The following SERPING1 variants were observed in gnomAD, a reference collection of about 807,000 sequenced individuals.
SERPING1 encodes serpin family G member 1.
A neutral mutation model predicts 34.1 loss-of-function variants in SERPING1; 5 were observed. The ratio of observed to expected loss-of-function variants is 0.15; its 90% CI spans 0.08 to 0.31. The LOEUF (loss-of-function observed/expected upper bound fraction) is 0.31. Among genes scored for constraint, SERPING1 ranks in the 10% least tolerant of loss-of-function variants. The pLI is 1.00. For synonymous variants in SERPING1, 225 were observed against 242.4 expected (o/e 0.93, Z 0.67); for missense variants, 505 against 609.5 (o/e 0.83, Z 1.81).
At chr11:57,607,355 T>C (rs953780480) in intron 6 of SERPING1, among the ~76,000 whole-genome samples, 2 of 152,188 alleles carry the variant, frequency 1.3e-5, no homozygotes, top group African/African-American at 4.8e-5. Context: ...GGAGAAGTCT[T>C]CTCCCCATTA....
chr11:57,612,256 G>A (rs1945485350), intron 7 of SERPING1, among the ~76,000 whole-genome samples: 1 of 152,108 alleles, frequency 6.6e-6, no homozygotes, highest in African/African-American at 2.4e-5. Flanking sequence ...TGGAACAGTG[G>A]GACAGGTAAC....
Position 57,611,846 on chromosome 11 carries a change from G to C in SERPING1, c.1159G>C (p.Glu387Gln), listed in dbSNP as rs1469488853. The C allele has an allele frequency of 6.2e-7, 1 of 1,614,062 alleles. No individual in the cohort carries two copies. The highest frequency in any genetic ancestry group is 8.5e-7 in the Non-Finnish European group (1 of 1,180,046). The part of the protein sequence containing the change: ...SVFKAIMEKL[E>Q]MSKFQPTLLT... ...TTTCAAGGCCATCATGGAGAAACTG[G>C]AGATGTCCAAGTTCCAGCCCACTCT... Residue 387 changes from glutamate to glutamine, a missense_variant, in exon 7 of 8, where the codon GAG becomes CAG. By Grantham distance (29) the Glu-to-Gln change is conservative (BLOSUM62 2). Transcript: ENST00000278407.
At chr11:57,604,122 ACT>A (rs1344993775) in intron 4 of SERPING1, among the ~76,000 whole-genome samples, 14 of 87,666 alleles carry the variant, frequency 1.6e-4, no homozygotes. Flanking sequence ...ACAGACCGAG[ACT>A]CTGTCTCAAA....
At chr11:57,610,535 G>T (rs1945466444) in intron 6 of SERPING1, among the ~76,000 whole-genome samples, 1 of 152,186 alleles carries the variant, frequency 6.6e-6, no homozygotes, top group Admixed American at 6.5e-5. Context: ...ACAATTGATT[G>T]CTTTCAGTTA....
chr11:57,607,536 A>G (rs1945424557), intron 6 of SERPING1, among the ~76,000 whole-genome samples: 1 of 152,162 alleles, frequency 6.6e-6, no homozygotes, highest in Non-Finnish European at 1.5e-5. Context: ...TTCCTTCTGT[A>G]TCTGTAGTGC....
chr11:57,601,555 A>G (rs930819138), intron 3 of SERPING1, among the ~76,000 whole-genome samples: 7 of 152,048 alleles, frequency 4.6e-5, no homozygotes, highest in Non-Finnish European at 1.0e-4. Context: ...GGACAGAGCT[A>G]TTACTCCCCA....
At chr11:57,611,545 T>A in intron 6 of SERPING1, 172 bp from the exon 7 acceptor site, 1 of 698,632 alleles carries the variant, frequency 1.4e-6, no homozygotes, top group African/African-American at 1.7e-5. Context: ...ATCAGCACTG[T>A]TCACCCAGCT....
At chr11:57,612,745 TTTTG>T (rs1311080094) in intron 7 of SERPING1, among the ~76,000 whole-genome samples, 3 of 150,562 alleles carry the variant, frequency 2.0e-5, no homozygotes, top group Non-Finnish European at 4.4e-5. Context: ...ACCTTTGTTT[TTTTG>T]TTTGTTTGTT....
At chr11:57,604,904 G>A (rs1945391638) in intron 4 of SERPING1, among the ~76,000 whole-genome samples, 3 of 151,944 alleles carry the variant, frequency 2.0e-5, no homozygotes, top group Admixed American at 1.3e-4. Flanking sequence ...GAAGGACTGA[G>A]ACGGGAGGAT....
chr11:57,608,719 G>T (rs1243588569), intron 6 of SERPING1, among the ~76,000 whole-genome samples: 1 of 151,744 alleles, frequency 6.6e-6, no homozygotes, highest in Non-Finnish European at 1.5e-5. Context: ...CACCATGTTG[G>T]CCAGGCTGGT....
At chr11:57,613,608 C>A (rs1945504542) in intron 7 of SERPING1, among the ~76,000 whole-genome samples, 1 of 152,202 alleles carries the variant, frequency 6.6e-6, no homozygotes, top group Non-Finnish European at 1.5e-5. Context: ...CTGTGGAGTT[C>A]TGTTTGCTAC....
intron 2 of SERPING1, among the ~76,000 whole-genome samples, chr11:57,598,535 T>TAG (rs1397452012): frequency 6.6e-6 from 1 of 152,134 alleles, no homozygotes; most frequent in Non-Finnish European, 1.5e-5. Flanking sequence ...TGGCGGGCCA[T>TAG]GTAGGAGCTG....
intron 3 of SERPING1, among the ~76,000 whole-genome samples, chr11:57,600,899 C>T (rs1278285902): frequency 1.3e-5 from 2 of 151,038 alleles, no homozygotes; most frequent in Admixed American, 6.6e-5. Flanking sequence ...TGCAGTGAGC[C>T]GAGACCGCAC....
At position 57,611,784 on chromosome 11, in the gene SERPING1, G is replaced by A. The variant is rs139000758; in HGVS notation, c.1097G>A (p.Arg366His). The A allele has an allele frequency of 5.0e-5, 80 of 1,614,222 alleles. No individual in the cohort carries two copies. Among genetic ancestry groups the A allele is most frequent in the East Asian group, 8.9e-5 (4 of 44,890 alleles). Reference protein sequence around the residue: ...VILVPQNLKHRLEDMEQALSP... With the variant: ...VILVPQNLKHHLEDMEQALSP... ...CTGGTACCCCAGAACCTGAAACATCGTCTTGAAGACATGGAACAGGCTCTC... is the reference window on the plus strand; with the variant it reads ...CTGGTACCCCAGAACCTGAAACATCATCTTGAAGACATGGAACAGGCTCTC... The change falls in exon 7 of 8, where the codon CGT becomes CAT. Residue 366 changes from arginine (R) to histidine (H), a missense_variant. Physicochemically the swap from Arg to His is conservative, Grantham distance 29 (BLOSUM62 0). Coordinates refer to ENST00000278407, the MANE Select transcript of SERPING1 (RefSeq NM_000062.3).
In SERPING1 at chr11:57,606,157, T is replaced by C. The variant is rs1455871582; in HGVS notation, c.833T>C (p.Leu278Pro). ...ACCAACAACAAGATCAGCCGGCTGC[T>C]AGACAGTCTGCCCTCCGATACCCGC... The part of the protein sequence containing the change: ...KNTNNKISRL[L>P]DSLPSDTRLV... The change falls in exon 5 of 8, where the codon CTA (leucine) becomes CCA (proline). Residue 278 changes from leucine (L) to proline (P), a missense_variant. Physicochemically the swap from Leu to Pro is moderately conservative, Grantham distance 98 (BLOSUM62 -3). Transcript: ENST00000278407. The C allele has an allele frequency of 6.2e-7, 1 of 1,614,176 alleles. No homozygotes were observed. The highest frequency in any genetic ancestry group is 8.5e-7 in the Non-Finnish European group (1 of 1,180,020).
chr11:57,612,668 C>T (rs1363604068), intron 7 of SERPING1, among the ~76,000 whole-genome samples: 2 of 152,094 alleles, frequency 1.3e-5, no homozygotes, highest in East Asian at 1.9e-4. Flanking sequence ...CCACCTGCCT[C>T]GGCCTCCCAA....
Position 57,606,022 on chromosome 11 carries a change from G to C in SERPING1, c.698G>C (p.Arg233Thr), listed in dbSNP as rs1486614831. The C allele has an allele frequency of 1.1e-5, 17 of 1,613,968 alleles. No individual in the cohort carries two copies. The highest frequency in any genetic ancestry group is 1.4e-5 in the Non-Finnish European group (17 of 1,180,016). Residue 233 changes from arginine to threonine, a missense_variant, in exon 5 of 8, where the codon AGG becomes ACG. Coordinates refer to ENST00000278407, the MANE Select transcript of SERPING1 (RefSeq NM_000062.3). ...AACATACCCCCAGACCTGGCCATAA[G>C]GGACACCTTTGTGAATGCCTCTCGG... ...QIFHSPDLAIRDTFVNASRTL... is the reference protein window; with the variant it reads ...QIFHSPDLAITDTFVNASRTL...
In SERPING1 at chr11:57,598,018, G is replaced by T. The variant is rs1945306674; in HGVS notation, c.-22-231G>T. 4 of 563,044 alleles carry T rather than the reference G, an allele frequency of 7.1e-6. No individual in the cohort carries two copies. In the South Asian group the frequency reaches 7.4e-5, roughly 10 times the overall value. 34.9% of individuals were successfully genotyped at this position (563,044 alleles called of 1,614,324 possible). ...CCCTCCGACTGAACAGATGGACAGA[G>T]ACCCGGGCCCACGGGGAGAGGAAGG... is the stretch of plus-strand genomic sequence containing the variant. On this transcript the variant is annotated intron_variant, in intron 1 of 7. Coordinates refer to ENST00000278407, the MANE Select transcript of SERPING1 (RefSeq NM_000062.3).
intron 1 of SERPING1, 179 bp from the exon 2 acceptor site, chr11:57,598,070 G>T: frequency 1.7e-6 from 1 of 583,236 alleles, no homozygotes; most frequent in Admixed American, 3.1e-5. Context: ...AAAGGGAAGC[G>T]GTTTGGGGAA....
Sources: allele counts gnomAD v4.1 joint callset (sites outside exome capture counted in the v4.1 genomes callset), GRCh38; gene constraint gnomAD v4.1.1; transcripts MANE v1.5; gene names NCBI Gene and HGNC (gene_info 2026-07-23, HGNC 2026-07-21).